The following SCFD2 variants were observed in gnomAD, a reference collection of about 807,000 sequenced individuals.
SCFD2 encodes the protein sec1 family domain containing 2.
A neutral mutation model predicts 58.9 loss-of-function variants in SCFD2; 54 were observed. The observed-to-expected ratio is 0.92, with a 90% CI of 0.74 to 1.15. The LOEUF is 1.15. Among genes scored for constraint, SCFD2 ranks in the 50% most tolerant of loss-of-function variants. The pLI is 0.00. For synonymous variants in SCFD2, 321 were observed against 335.9 expected, an observed-to-expected ratio of 0.96 and a Z score of 0.49; for missense variants, 805 against 836.6, an observed-to-expected ratio of 0.96 and a Z score of 0.47.
At chr4:52,942,076 T>A (rs921096641) in intron 5 of SCFD2, among the ~76,000 whole-genome samples, 4 of 151,912 alleles carry the variant, frequency 2.6e-5, no homozygotes, top group African/African-American at 9.7e-5. Flanking sequence ...GGGCCAAGAG[T>A]TTGATGAAAA....
chr4:53,012,341 ATC>A (rs368371321), intron 5 of SCFD2, among the ~76,000 whole-genome samples: 2 of 144,486 alleles, frequency 1.4e-5, no homozygotes, highest in Admixed American at 6.9e-5. Flanking sequence ...TTAGCATAAA[ATC>A]TCTCTCTCTC....
chr4:52,941,871 A>T (rs1477764628), intron 5 of SCFD2, among the ~76,000 whole-genome samples: 1 of 152,154 alleles, frequency 6.6e-6, no homozygotes, highest in Non-Finnish European at 1.5e-5. Flanking sequence ...TGGGTTTTGG[A>T]ATGTTTGCAT....
chr4:53,038,383 A>G (rs1289870593), intron 5 of SCFD2, among the ~76,000 whole-genome samples: 3 of 152,168 alleles, frequency 2.0e-5, no homozygotes, highest in South Asian at 4.1e-4. Flanking sequence ...CCCACCCTCA[A>G]TTGTAAAGAC....
At chr4:53,262,140 G>A (rs896510708) in intron 4 of SCFD2, among the ~76,000 whole-genome samples, 1 of 152,098 alleles carries the variant, frequency 6.6e-6, no homozygotes, top group Non-Finnish European at 1.5e-5. Context: ...GTTTATGTGA[G>A]TCCTTATGTG....
chr4:52,989,284 C>T (rs1233755097), intron 5 of SCFD2, among the ~76,000 whole-genome samples: 1 of 152,210 alleles, frequency 6.6e-6, no homozygotes, highest in Non-Finnish European at 1.5e-5. Context: ...AAAAACCATG[C>T]TATGCCCATC....
chr4:52,921,383 A>C (rs1719731107), intron 5 of SCFD2, among the ~76,000 whole-genome samples: 1 of 152,224 alleles, frequency 6.6e-6, no homozygotes, highest in South Asian at 2.1e-4. Flanking sequence ...GATCAAACAC[A>C]GGGGGACTTA....
intron 4 of SCFD2, among the ~76,000 whole-genome samples, chr4:53,146,391 T>C (rs1019971815): frequency 6.6e-6 from 1 of 152,180 alleles, no homozygotes; most frequent in African/African-American, 2.4e-5. Flanking sequence ...TTAACTCCTC[T>C]TAAAATATAA....
At chr4:53,156,007 C>T (rs563471376) in intron 4 of SCFD2, among the ~76,000 whole-genome samples, 119 of 152,272 alleles carry the variant, frequency 7.8e-4, no homozygotes, top group African/African-American at 2.7e-3. Context: ...AACTAATAGT[C>T]GCTGAATTCT....
intron 3 of SCFD2, among the ~76,000 whole-genome samples, chr4:53,294,486 GTTGT>G (rs1462953438): frequency 6.6e-6 from 1 of 150,876 alleles, no homozygotes; most frequent in Non-Finnish European, 1.5e-5. Context: ...TTTTGATGGG[GTTGT>G]TTTTTTCTTG....
chr4:52,972,187 G>A (rs897158268), intron 5 of SCFD2, among the ~76,000 whole-genome samples: 10 of 152,282 alleles, frequency 6.6e-5, no homozygotes, highest in Admixed American at 3.9e-4. Context: ...AAATGCAAAT[G>A]GGCTAAATGC....
At chr4:52,940,407 G>A (rs561710697) in intron 5 of SCFD2, among the ~76,000 whole-genome samples, 1 of 152,286 alleles carries the variant, frequency 6.6e-6, no homozygotes, top group South Asian at 2.1e-4. Flanking sequence ...GTCAGAGTAG[G>A]GGCTGCTAGG....
intron 5 of SCFD2, among the ~76,000 whole-genome samples, chr4:53,112,518 G>C (rs73143406): frequency 0.026 from 3,965 of 152,120 alleles, 169 homozygotes; most frequent in African/African-American, 0.091. Context: ...TTCGCACCAA[G>C]TAGAAGCCCT....
intron 3 of SCFD2, among the ~76,000 whole-genome samples, chr4:53,292,154 G>A (rs574774488): frequency 1.1e-4 from 16 of 152,102 alleles, no homozygotes; most frequent in African/African-American, 3.6e-4. Context: ...GATTTCATGA[G>A]ACGAAAATGT....
intron 7 of SCFD2, among the ~76,000 whole-genome samples, chr4:52,886,150 AT>A (rs2109447725): frequency 6.6e-6 from 1 of 152,226 alleles, no homozygotes; most frequent in African/African-American, 2.4e-5. Flanking sequence ...CCTATTTTAC[AT>A]ATACCTACCC....
chr4:53,011,249 T>C (rs937329020), intron 5 of SCFD2, among the ~76,000 whole-genome samples: 1 of 152,114 alleles, frequency 6.6e-6, no homozygotes, highest in Admixed American at 6.6e-5. Context: ...CACTGCATCT[T>C]TGCTTTTTTT....
chr4:53,167,572 G>C lies in SCFD2; in HGVS notation c.1312-21990C>G, dbSNP rs149900517. 1.3e-4 allele frequency among the ~76,000 whole-genome samples: 20 copies of C among 152,234 alleles called. No homozygotes were observed. The East Asian group carries it at 3.9e-3, about 29-fold the overall frequency. ...TACATTTTAAGATATCTAGCTCCTA[G>C]GCTTTTTCTGATGCTACTTAATGAG... On this transcript the variant is annotated intron_variant, in intron 4 of 8. Transcript: ENST00000401642.
chr4:52,997,555 G>A (rs767613064), intron 5 of SCFD2, among the ~76,000 whole-genome samples: 1 of 152,194 alleles, frequency 6.6e-6, no homozygotes, highest in Non-Finnish European at 1.5e-5. Flanking sequence ...GTGGTCTAGT[G>A]TTCAGAGAAA....
chr4:53,186,329 C>T (rs1338430242), intron 4 of SCFD2, among the ~76,000 whole-genome samples: 5 of 152,018 alleles, frequency 3.3e-5, no homozygotes, highest in Admixed American at 2.6e-4. Context: ...CCATAGTTCC[C>T]CCTAAAGCTC....
intron 5 of SCFD2, among the ~76,000 whole-genome samples, chr4:52,941,742 G>A (rs570767269): frequency 1.4e-4 from 21 of 152,312 alleles, no homozygotes; most frequent in Admixed American, 1.4e-3. Context: ...GTTAGGATGT[G>A]GGCACAAGTT....
Sources: gnomAD v4.1 joint callset for allele counts (sites outside exome capture counted in the v4.1 genomes callset) on GRCh38, gnomAD v4.1.1 for gene constraint, MANE v1.5 for transcripts, NCBI Gene and HGNC (gene_info 2026-07-23, HGNC 2026-07-21) for gene names.